SOX6: variants seen among roughly 807,000 people sequenced by gnomAD.
The protein encoded by SOX6 is SRY-box transcription factor 6.
Under a neutral mutation model 97.8 loss-of-function variants are expected in SOX6, and 11 were observed. That is an observed-to-expected ratio of 0.11 (90% CI 0.07 to 0.19). SOX6 has a LOEUF of 0.19. SOX6 is among the 10% of genes least tolerant of loss of function. The pLI is 1.00. For synonymous variants in SOX6, 360 were observed against 371.4 expected, an observed-to-expected ratio of 0.97 and a Z score of 0.35; for missense variants, 810 against 1,039.5, an observed-to-expected ratio of 0.78 and a Z score of 3.04.
chr11:16,141,482 A>G (rs78703953), intron 6 of SOX6, among the ~76,000 whole-genome samples: 69 of 152,262 alleles, frequency 4.5e-4, no homozygotes, highest in Admixed American at 2.3e-3. Flanking sequence ...CTGAGGTACC[A>G]GGTTCATCTC....
intron 3 of SOX6, among the ~76,000 whole-genome samples, chr11:16,239,294 T>C (rs745714787): frequency 2.0e-5 from 3 of 152,050 alleles, no homozygotes; most frequent in Non-Finnish European, 4.4e-5. Context: ...CGACTGCTCA[T>C]GCTCTTCTCT....
intron 3 of SOX6, among the ~76,000 whole-genome samples, chr11:16,656,656 T>C (rs1326509986): frequency 1.3e-5 from 2 of 152,234 alleles, no homozygotes; most frequent in Non-Finnish European, 2.9e-5. Flanking sequence ...AAATTTTACT[T>C]TAAAAGCCAA....
chr11:16,198,327 T>C (rs1046330716), intron 4 of SOX6, among the ~76,000 whole-genome samples: 3 of 150,812 alleles, frequency 2.0e-5, no homozygotes, highest in African/African-American at 7.3e-5. Context: ...CCACCCACCT[T>C]GGCCTCCCAA....
rs555787271 is a variant in SOX6, at chr11:16,446,578, C to A, written c.-5+29737G>T. Among the ~76,000 whole-genome samples, 5 of 152,188 alleles carry A rather than the reference C, an allele frequency of 3.3e-5. No homozygotes were observed. In the South Asian group the frequency reaches 8.3e-4, roughly 25 times the overall value. On this transcript the variant is annotated intron_variant, in intron 1 of 15. Transcript: ENST00000396356. ...GAGTTAAAGTGATCCCAAACAATTT[C>A]TCCAATGTATTACGCACATAAACAA...
intron 10 of SOX6, among the ~76,000 whole-genome samples, chr11:16,054,600 AT>A (rs1420145138): frequency 1.3e-5 from 2 of 152,156 alleles, no homozygotes; most frequent in Non-Finnish European, 2.9e-5. Context: ...GAATCTCAAA[AT>A]TCCCATATGC....
chr11:16,157,900 T>G (rs1850643746), intron 6 of SOX6, among the ~76,000 whole-genome samples: 1 of 151,980 alleles, frequency 6.6e-6, no homozygotes, highest in African/African-American at 2.4e-5. Context: ...AAATGTCACT[T>G]CTTTGAGCAA....
chr11:16,389,961 C>T (rs149238651), intron 1 of SOX6, among the ~76,000 whole-genome samples: 1,567 of 60,350 alleles, frequency 0.026, 39 homozygotes, highest in African/African-American at 0.098. Context: ...CAGGGCAAGA[C>T]TCCGTCTTAA....
At chr11:16,440,011 G>A (rs1859472880) in intron 1 of SOX6, among the ~76,000 whole-genome samples, 1 of 152,000 alleles carries the variant, frequency 6.6e-6, no homozygotes, top group Admixed American at 6.6e-5. Context: ...AAGCACTGAA[G>A]GAAACAGGAA....
intron 3 of SOX6, among the ~76,000 whole-genome samples, chr11:16,714,672 G>C (rs879697289): frequency 3.3e-5 from 5 of 151,920 alleles, no homozygotes; most frequent in Admixed American, 2.6e-4. Context: ...GAATGGTCTC[G>C]ATCTCTTGAC....
intron 1 of SOX6, among the ~76,000 whole-genome samples, chr11:16,345,841 C>A (rs1856763164): frequency 6.6e-6 from 1 of 151,966 alleles, no homozygotes; most frequent in African/African-American, 2.4e-5. Context: ...CTCAAAATTA[C>A]ATTTTTTTAT....
At chr11:16,425,933 T>C (rs1428517399) in intron 1 of SOX6, among the ~76,000 whole-genome samples, 2 of 150,518 alleles carry the variant, frequency 1.3e-5, no homozygotes, top group East Asian at 1.9e-4. Flanking sequence ...TAAACTACCA[T>C]TGAGATTTTT....
At chr11:16,270,621 A>G in intron 3 of SOX6, among the ~76,000 whole-genome samples, 1 of 143,844 alleles carries the variant, frequency 7.0e-6, no homozygotes, top group Non-Finnish European at 1.5e-5. Context: ...TAGATGAATG[A>G]ACAAACAAAA....
At chr11:16,595,330 A>G (rs1848200576) in intron 4 of SOX6, among the ~76,000 whole-genome samples, 1 of 152,192 alleles carries the variant, frequency 6.6e-6, no homozygotes, top group Non-Finnish European at 1.5e-5. Context: ...GAAAGTGATT[A>G]TGTCGCAGTC....
At chr11:16,188,025 T>C (rs922593327) in intron 4 of SOX6, among the ~76,000 whole-genome samples, 4 of 152,112 alleles carry the variant, frequency 2.6e-5, no homozygotes, top group Non-Finnish European at 5.9e-5. Context: ...CCCTCATTCC[T>C]ACTAAGAAAG....
At chr11:16,412,515 G>A (rs1031907863) in intron 1 of SOX6, among the ~76,000 whole-genome samples, 3 of 152,126 alleles carry the variant, frequency 2.0e-5, no homozygotes, top group African/African-American at 7.2e-5. Flanking sequence ...GCAGGCACCT[G>A]CAGTCCCAGC....
At chr11:16,247,723 T>C (rs1853382263) in intron 3 of SOX6, among the ~76,000 whole-genome samples, 2 of 152,128 alleles carry the variant, frequency 1.3e-5, no homozygotes, top group African/African-American at 4.8e-5. Context: ...ATGGGGACTA[T>C]AAGAACTACA....
chr11:16,713,760 T>C (rs1356008525), intron 3 of SOX6, among the ~76,000 whole-genome samples: 1 of 152,204 alleles, frequency 6.6e-6, no homozygotes, highest in Non-Finnish European at 1.5e-5. Flanking sequence ...ACTCAATCCA[T>C]GAAGCAATGT....
chr11:16,217,455 AGG>A (rs1852406857), intron 4 of SOX6, among the ~76,000 whole-genome samples: 2 of 152,198 alleles, frequency 1.3e-5, no homozygotes, highest in Admixed American at 6.5e-5. Flanking sequence ...ATATGGTCAG[AGG>A]TATATCTCAA....
intron 4 of SOX6, among the ~76,000 whole-genome samples, chr11:16,529,303 A>G (rs1489414464): frequency 6.6e-6 from 1 of 152,090 alleles, no homozygotes; most frequent in African/African-American, 2.4e-5. Flanking sequence ...GGAAAATCTT[A>G]TAGCAGGCCT....
Sources: gnomAD v4.1 joint callset for allele counts (sites outside exome capture counted in the v4.1 genomes callset) on GRCh38, gnomAD v4.1.1 for gene constraint, MANE v1.5 for transcripts, NCBI Gene and HGNC (gene_info 2026-07-23, HGNC 2026-07-21) for gene names.